Variants in NSUN6 observed in about 807,000 individuals in gnomAD.
NSUN6 encodes NOP2/Sun RNA methyltransferase 6.
NSUN6 carries 64 observed loss-of-function variants against 58.0 expected under a neutral mutation model. The observed-to-expected ratio is 1.10, with a 90% CI of 0.90 to 1.36. The LOEUF (loss-of-function observed/expected upper bound fraction) is 1.36, where lower values mean the gene tolerates loss of function less well. Among genes scored for constraint, NSUN6 ranks in the 40% most tolerant of loss-of-function variants. The pLI is 0.00. For missense variants in NSUN6, 701 were observed against 550.1 expected, an observed-to-expected ratio of 1.27 and a Z score of -2.74; for synonymous variants, 231 against 193.9, an observed-to-expected ratio of 1.19 and a Z score of -1.59.
chr10:18,562,418 A>AGAATG (rs1317905012), intron 8 of NSUN6, among the ~76,000 whole-genome samples: 1 of 150,644 alleles, frequency 6.6e-6, no homozygotes, highest in Non-Finnish European at 1.5e-5. Context: ...AATGGAATGG[A>AGAATG]GAATGGAATG....
chr10:18,617,316 T>C (rs1227238348), intron 3 of NSUN6, among the ~76,000 whole-genome samples: 1 of 151,506 alleles, frequency 6.6e-6, no homozygotes, highest in East Asian at 2.0e-4. Context: ...GCCTCCTGAG[T>C]AACTGGGATT....
In NSUN6 at chr10:18,651,255, T is replaced by TG. The variant is rs1564854174; in HGVS notation, c.-53dup. The stretch of plus-strand genomic sequence containing the variant: ...AGAGAAATGCTGGAAAACGGTGTTT[T>TG]GTTTTTTTTTTTCTTTCCGAATTAA... On this transcript the variant is annotated 5_prime_UTR_variant, in exon 1 of 11. Transcript: ENST00000377304. The TG allele has an allele frequency of 6.8e-7, 1 of 1,480,560 alleles. No homozygotes were observed. Among genetic ancestry groups the TG allele is most frequent in the Non-Finnish European group, 8.9e-7 (1 of 1,117,846 alleles). The allele number at this position is 1,480,560 out of a possible 1,614,324, so 91.7% of individuals were successfully genotyped here.
chr10:18,576,160 T>C (rs988523590), intron 8 of NSUN6, among the ~76,000 whole-genome samples: 1 of 152,130 alleles, frequency 6.6e-6, no homozygotes, highest in Admixed American at 6.6e-5. Flanking sequence ...TTTGATCTAT[T>C]ACTCTTTCTT....
At chr10:18,558,314 T>A (rs2055203034) in intron 8 of NSUN6, among the ~76,000 whole-genome samples, 1 of 144,414 alleles carries the variant, frequency 6.9e-6, no homozygotes, top group Admixed American at 7.0e-5. Flanking sequence ...TGGAATGGAA[T>A]GGAGAACAGA....
chr10:18,596,539 G>A (rs536079112), intron 6 of NSUN6, among the ~76,000 whole-genome samples: 1 of 151,942 alleles, frequency 6.6e-6, no homozygotes, highest in Non-Finnish European at 1.5e-5. Context: ...AACCACCTGC[G>A]CAAAAATATA....
chr10:18,605,209 AAG>A (rs1270028361), intron 6 of NSUN6, among the ~76,000 whole-genome samples: 1 of 151,932 alleles, frequency 6.6e-6, no homozygotes, highest in Non-Finnish European at 1.5e-5. Context: ...AAAAAAAAAA[AAG>A]TGTAGAAAAA....
chr10:18,586,130 AAAAG>A (rs1406818598), intron 7 of NSUN6, 37 bp from the exon 8 acceptor site: 1 of 1,486,178 alleles, frequency 6.7e-7, no homozygotes, highest in African/African-American at 1.4e-5. Flanking sequence ...CAGAAAAAAA[AAAAG>A]AAAATTATAA....
intron 3 of NSUN6, among the ~76,000 whole-genome samples, chr10:18,621,440 T>C (rs183333640): frequency 7.9e-5 from 12 of 152,322 alleles, no homozygotes; most frequent in East Asian, 1.9e-4. Flanking sequence ...TGGGGATCCA[T>C]AGACACCAGG....
chr10:18,545,875 A>T lies in NSUN6; in HGVS notation c.*58T>A. On this transcript the variant is annotated 3_prime_UTR_variant, in exon 11 of 11. Coordinates refer to ENST00000377304, the MANE Select transcript of NSUN6 (RefSeq NM_182543.5). ...GCCTGACAACACTTTGGTTAAAAAA[A>T]AAAAAACCACAGACAGCAAATGTTT... The T allele has an allele frequency of 9.4e-7, 1 of 1,065,416 alleles. No homozygotes were observed. The allele number at this position is 1,065,416 out of a possible 1,614,324, so 66.0% of individuals were successfully genotyped here.
chr10:18,616,244 C>T lies in NSUN6; in HGVS notation c.361G>A (p.Gly121Ser). ...QCEAIVGAQCGNAVLRGAHVY... is the reference protein window; with the variant it reads ...QCEAIVGAQCSNAVLRGAHVY... The stretch of plus-strand genomic sequence containing the variant: ...TGGGCTCCTCTTAAAACTGCATTGC[C>T]ACACTGGGCTCCAACAATGGCTTCA... The change falls in exon 4 of 11, where the codon GGC becomes AGC. Residue 121 changes from glycine to serine, a missense_variant. Coordinates refer to ENST00000377304, the MANE Select transcript of NSUN6 (RefSeq NM_182543.5). The T allele has an allele frequency of 6.2e-7, 1 of 1,611,744 alleles. No individual in the cohort carries two copies. Among genetic ancestry groups the T allele is most frequent in the Non-Finnish European group, 8.5e-7 (1 of 1,177,902 alleles).
chr10:18,557,872 CGTGGA>C (rs2055164019), intron 8 of NSUN6, among the ~76,000 whole-genome samples: 1 of 138,186 alleles, frequency 7.2e-6, no homozygotes, highest in Non-Finnish European at 1.6e-5. Context: ...TGGAATGGAG[CGTGGA>C]ATGGAATGGA....
At position 18,561,856 on chromosome 10, in the gene NSUN6, T is replaced by C. The variant is rs915724330; in HGVS notation, c.923-9885A>G. Among the ~76,000 whole-genome samples the C allele has an allele frequency of 5.6e-5, 8 of 142,048 alleles. 1 individual carries two copies. Among genetic ancestry groups the C allele is most frequent in the African/African-American group, 2.1e-4 (8 of 37,492 alleles). The allele number at this position is 142,048 out of a possible 152,430, so 93.2% of individuals were successfully genotyped here. On this transcript the variant is annotated intron_variant, in intron 8 of 10. Transcript: ENST00000377304. Reference sequence around the variant, plus strand: ...GAGAATGTAATAGAATGAAACGTAATGCAGGCTGGAATGGAGAATGGAATG... The same window carrying C: ...GAGAATGTAATAGAATGAAACGTAACGCAGGCTGGAATGGAGAATGGAATG...
chr10:18,567,688 TCTC>T (rs1372891826), intron 8 of NSUN6, among the ~76,000 whole-genome samples: 1 of 150,650 alleles, frequency 6.6e-6, no homozygotes, highest in Non-Finnish European at 1.5e-5. Context: ...TCCATTCCAT[TCTC>T]CTTCCATTCT....
At chr10:18,631,191 C>A (rs1375445028) in intron 3 of NSUN6, among the ~76,000 whole-genome samples, 1 of 151,994 alleles carries the variant, frequency 6.6e-6, no homozygotes, top group Non-Finnish European at 1.5e-5. Flanking sequence ...AGGCCTTTGA[C>A]AAAATTCAAT....
intron 5 of NSUN6, among the ~76,000 whole-genome samples, chr10:18,610,372 AAAC>A (rs2058190306): frequency 6.6e-6 from 1 of 152,238 alleles, no homozygotes; most frequent in Non-Finnish European, 1.5e-5. Context: ...TCTTTTTATT[AAAC>A]AACAAAATAC....
At chr10:18,593,724 G>A (rs974410590) in intron 7 of NSUN6, among the ~76,000 whole-genome samples, 2 of 152,096 alleles carry the variant, frequency 1.3e-5, no homozygotes, top group African/African-American at 4.8e-5. Flanking sequence ...GGAGGTAAGG[G>A]GAGGGATAGC....
intron 3 of NSUN6, among the ~76,000 whole-genome samples, chr10:18,636,013 G>A (rs373948695): frequency 6.6e-6 from 1 of 151,364 alleles, no homozygotes; most frequent in Non-Finnish European, 1.5e-5. Context: ...GTGGGCCTTA[G>A]ATTTCTTCAC....
intron 8 of NSUN6, among the ~76,000 whole-genome samples, chr10:18,559,691 A>C (rs1443967717): frequency 6.6e-6 from 1 of 151,498 alleles, no homozygotes; most frequent in East Asian, 1.9e-4. Flanking sequence ...AATGCATTGG[A>C]ATATGGAATG....
At chr10:18,581,421 G>A (rs1182435698) in intron 8 of NSUN6, among the ~76,000 whole-genome samples, 2 of 152,150 alleles carry the variant, frequency 1.3e-5, no homozygotes, top group Non-Finnish European at 2.9e-5. Context: ...CTGGCACCAT[G>A]ACAATTTACA....
Sources: gnomAD v4.1 joint callset for allele counts (sites outside exome capture counted in the v4.1 genomes callset) on GRCh38, gnomAD v4.1.1 for gene constraint, MANE v1.5 for transcripts, NCBI Gene and HGNC (gene_info 2026-07-23, HGNC 2026-07-21) for gene names.